The following MUC5B variants were observed in gnomAD, a reference collection of about 807,000 sequenced individuals.
MUC5B encodes the protein mucin 5B, oligomeric mucus/gel-forming, also known as mucin-5B.
In MUC5B, 116 loss-of-function variants were observed where a neutral mutation model predicts 376.9. The ratio of observed to expected loss-of-function variants is 0.31; its 90% CI spans 0.26 to 0.36. The LOEUF is 0.36. Among genes scored for constraint, MUC5B ranks in the 10% least tolerant of loss-of-function variants. The pLI, the probability that MUC5B is intolerant of heterozygous loss-of-function variation, is 1.00. For missense variants in MUC5B, 7,165 were observed against 7,769.9 expected, an observed-to-expected ratio of 0.92 and a Z score of 2.93; for synonymous variants, 3,517 against 3,390.9, an observed-to-expected ratio of 1.04 and a Z score of -1.29.
Position 1,252,432 on chromosome 11 carries a change from G to A in MUC5B, c.14953G>A (p.Ala4985Thr), listed in dbSNP as rs372995452. The change falls in exon 32 of 49, where the codon GCC (alanine) becomes ACC (threonine). Residue 4985 changes from alanine (A) to threonine (T), a missense_variant. This residue lies in a region of MUC5B where 730 missense variants were observed against 592.7 expected (regional missense o/e 1.23). Coordinates refer to ENST00000529681, the MANE Select transcript of MUC5B (RefSeq NM_002458.3). The part of the protein sequence containing the change: ...QHCDIDRFQG[A>T]CPTSPPPVSS... ...CTGTGACATTGACCGCTTCCAGGGCGCCTGTCCCACCTCCCCACCGCCAGT... is the reference window on the plus strand; with the variant it reads ...CTGTGACATTGACCGCTTCCAGGGCACCTGTCCCACCTCCCCACCGCCAGT... The A allele has an allele frequency of 9.2e-5, 149 of 1,610,848 alleles. 1 individual carries two copies. The East Asian group carries it at 2.3e-3, about 24-fold the overall frequency.
chr11:1,261,640 C>T lies in MUC5B; in HGVS notation c.*32C>T. The T allele has an allele frequency of 6.4e-7, 1 of 1,555,488 alleles. No homozygotes were observed. The stretch of plus-strand genomic sequence containing the variant: ...TCTGCCTCCATCCCCATGCTCTGTC[C>T]ACCTGGAGCCAGGATGTGCATTGTC... On this transcript the variant is annotated 3_prime_UTR_variant, in exon 49 of 49. Transcript: ENST00000529681.
intron 17 of MUC5B, 52 bp downstream of exon 17, chr11:1,232,822 G>A: frequency 6.5e-7 from 1 of 1,528,436 alleles, no homozygotes; most frequent in Non-Finnish European, 8.8e-7. Flanking sequence ...GGGGGTGCGG[G>A]GGACCCTGGC....
In MUC5B at chr11:1,250,109, C is replaced by A. The variant is rs754455470; in HGVS notation, c.13229C>A (p.Thr4410Asn). 19 of 1,594,474 alleles carry A rather than the reference C, an allele frequency of 1.2e-5. No individual in the cohort carries two copies. Among genetic ancestry groups the A allele is most frequent in the Non-Finnish European group, 1.5e-5 (18 of 1,169,050 alleles). The change falls in exon 31 of 49, where the codon ACC becomes AAC. Residue 4410 changes from threonine (T) to asparagine (N), a missense_variant. Transcript: ENST00000529681. The part of the protein sequence containing the change: ...TTTAATGPTA[T>N]PSSTPGTTWI... ...ACTGCAGCCACTGGCCCCACGGCCA[C>A]CCCGTCCTCCACCCCAGGGACCACC...
At chr11:1,226,140 CG>C in intron 2 of MUC5B, 64 bp from the exon 3 acceptor site, 3 of 1,473,010 alleles carry the variant, frequency 2.0e-6, no homozygotes, top group Non-Finnish European at 9.2e-7. Context: ...GGGTGGGCCC[CG>C]GGGAGGGTGT....
At position 1,240,867 on chromosome 11, in the gene MUC5B, C is replaced by A; in HGVS notation, c.3987C>A (p.Val1329=). 1 of 1,610,302 alleles carries A rather than the reference C, an allele frequency of 6.2e-7. No individual in the cohort carries two copies. Among genetic ancestry groups the A allele is most frequent in the South Asian group, 1.1e-5 (1 of 90,864 alleles). The change falls in exon 31 of 49, where the codon GTC becomes GTA. Residue 1329 remains valine, a synonymous_variant. Transcript: ENST00000529681. ...PHSTTSPALP[V]STVCVREVCR... ...CCCTTGCAGGCCCGGCCCTCCCGGTCTCCACCGTGTGTGTCCGCGAGGTCT... is the reference window on the plus strand; with the variant it reads ...CCCTTGCAGGCCCGGCCCTCCCGGTATCCACCGTGTGTGTCCGCGAGGTCT...
At chr11:1,239,306 C>T in intron 26 of MUC5B, 132 bp from the exon 27 acceptor site, 1 of 1,238,296 alleles carries the variant, frequency 8.1e-7, no homozygotes, top group Non-Finnish European at 1.1e-6. Flanking sequence ...CCGGCCGAGG[C>T]CCTGCATGTC....
At chr11:1,233,996 G>A (rs1280497235) in intron 19 of MUC5B, 148 bp downstream of exon 19, 2 of 903,728 alleles carry the variant, frequency 2.2e-6, no homozygotes, top group East Asian at 2.6e-5. Context: ...AGGCACCCAT[G>A]CCCTGACACG....
chr11:1,231,837 G>A (rs1018161081), intron 14 of MUC5B, among the ~76,000 whole-genome samples, 159 bp from the exon 15 acceptor site: 7 of 152,206 alleles, frequency 4.6e-5, no homozygotes, highest in South Asian at 4.1e-4. Context: ...GCACAGGGGC[G>A]CCCCCCGCCA....
In MUC5B at chr11:1,261,507, A is replaced by G. The variant is rs1862993955; in HGVS notation, c.17188A>G (p.Thr5730Ala). Reference sequence around the variant, plus strand: ...CGGCTCAGCCATCCTGCACACCTACACCCACGTGGATGAGTGTGGCTGCAC... The same window carrying G: ...CGGCTCAGCCATCCTGCACACCTACGCCCACGTGGATGAGTGTGGCTGCAC... ...PNGSAILHTY[T>A]HVDECGCTPF... Residue 5730 changes from threonine to alanine, a missense_variant, in exon 49 of 49, where the codon ACC becomes GCC. By Grantham distance (58) the Thr-to-Ala change is moderately conservative (BLOSUM62 0). Around this residue, in one of 31 missense-constraint regions of MUC5B, gnomAD observed 842 missense variants for 1,016.9 expected, o/e 0.83. Coordinates refer to ENST00000529681, the MANE Select transcript of MUC5B (RefSeq NM_002458.3). 2.5e-6 allele frequency: 4 copies of G among 1,602,888 alleles called. No individual in the cohort carries two copies. Among genetic ancestry groups the G allele is most frequent in the Non-Finnish European group, 8.5e-7 (1 of 1,175,872 alleles).
chr11:1,251,725 G>C lies in MUC5B; in HGVS notation c.14845G>C (p.Gly4949Arg). The change falls in exon 31 of 49, where the codon GGA becomes CGA. Residue 4949 changes from glycine (G) to arginine (R), a missense_variant. Physicochemically the swap from Gly to Arg is moderately radical, Grantham distance 125 (BLOSUM62 -2). Transcript: ENST00000529681. ...TACTCCCTGCTTCTGCAGGGCATTT[G>C]GACAGTTTTTCTCGCCCGGTGAGTG... The part of the protein sequence containing the change: ...FSTPCFCRAF[G>R]QFFSPGEVIY... 4 of 1,604,462 alleles carry C rather than the reference G, an allele frequency of 2.5e-6. No individual in the cohort carries two copies. Among genetic ancestry groups the C allele is most frequent in the Non-Finnish European group, 3.4e-6 (4 of 1,173,804 alleles).
chr11:1,239,705 C>T lies in MUC5B; in HGVS notation c.3584-94C>T, dbSNP rs1862235068. On this transcript the variant is annotated intron_variant, in intron 27 of 48. Transcript: ENST00000529681. ...AGCCTTGAGGGCAGGCCCCTGCTGG[C>T]TGGTGGGGGGCGGCTACTCCCTGCA... The T allele has an allele frequency of 2.0e-6, 3 of 1,494,402 alleles. No individual in the cohort carries two copies. In the South Asian group the frequency reaches 4.0e-5, roughly 20 times the overall value. The allele number at this position is 1,494,402 out of a possible 1,614,324, so 92.6% of individuals were successfully genotyped here. A position where few individuals can be genotyped will look rare whatever the true frequency, so the allele number is the denominator to read the frequency against.
rs777942958 is a variant in MUC5B, at chr11:1,242,471, G to T, written c.5591G>T (p.Gly1864Val). The T allele has an allele frequency of 1.9e-6, 3 of 1,613,738 alleles. No homozygotes were observed. The highest frequency in any genetic ancestry group is 2.5e-6 in the Non-Finnish European group (3 of 1,179,802). Reference sequence around the variant, plus strand: ...ACCTGCAAGAACGAAGACCAGACAGGCAGGTTCAACATGTGCTTCAACTAC... The same window carrying T: ...ACCTGCAAGAACGAAGACCAGACAGTCAGGTTCAACATGTGCTTCAACTAC... ...GLTCKNEDQTGRFNMCFNYNV... is the reference protein window; with the variant it reads ...GLTCKNEDQTVRFNMCFNYNV... The change falls in exon 31 of 49, where the codon GGC becomes GTC. Residue 1864 changes from glycine (G) to valine (V), a missense_variant. Coordinates refer to ENST00000529681, the MANE Select transcript of MUC5B (RefSeq NM_002458.3).
chr11:1,239,373 C>T (rs1862227091), intron 26 of MUC5B, 65 bp from the exon 27 acceptor site: 2 of 1,544,030 alleles, frequency 1.3e-6, no homozygotes, highest in South Asian at 2.5e-5. Flanking sequence ...GGGGTAGGGG[C>T]TGCCCTGCAC....
chr11:1,248,013 C>A lies in MUC5B; in HGVS notation c.11133C>A (p.Thr3711=), dbSNP rs1862545583. The change falls in exon 31 of 49, where the codon ACC becomes ACA. Residue 3711 remains threonine, a synonymous_variant. Coordinates refer to ENST00000529681, the MANE Select transcript of MUC5B (RefSeq NM_002458.3). ...CTGAGTCCACTGGATCCACGGCCAC[C>A]CCGTCCTCCACCCCAGGGACCACCT... is the stretch of plus-strand genomic sequence containing the variant. ...TTTESTGSTA[T]PSSTPGTTWI... is the part of the protein sequence containing the mutation. The A allele has an allele frequency of 1.2e-6, 2 of 1,609,460 alleles. No homozygotes were observed. The highest frequency in any genetic ancestry group is 1.7e-6 in the Non-Finnish European group (2 of 1,177,482).
chr11:1,227,432 A>C (rs1861914077), intron 6 of MUC5B, 34 bp downstream of exon 6: 4 of 1,511,318 alleles, frequency 2.6e-6, no homozygotes, highest in Non-Finnish European at 2.7e-6. Context: ...GCGGTGACCA[A>C]TTATGTCGGC....
At position 1,248,799 on chromosome 11, in the gene MUC5B, C is replaced by T. The variant is rs1341963507; in HGVS notation, c.11919C>T (p.Pro3973=). The T allele has an allele frequency of 5.2e-6, 8 of 1,549,130 alleles. No homozygotes were observed. In the East Asian group the frequency reaches 2.0e-4, roughly 38 times the overall value. ...PSSTPGTTPI[P]PVLTTTATTP... The stretch of plus-strand genomic sequence containing the variant: ...CAACTCCAGGGACAACACCTATCCC[C>T]CCAGTGCTGACCACCACCGCCACCA... The change falls in exon 31 of 49, where the codon CCC becomes CCT. Residue 3973 remains proline (P), a synonymous_variant. Coordinates refer to ENST00000529681, the MANE Select transcript of MUC5B (RefSeq NM_002458.3).
chr11:1,246,588 C>A lies in MUC5B; in HGVS notation c.9708C>A (p.Ser3236Arg). The A allele has an allele frequency of 6.2e-7, 1 of 1,613,464 alleles. No individual in the cohort carries two copies. The highest frequency in any genetic ancestry group is 1.1e-5 in the South Asian group (1 of 91,050). ...CAGCCACCACACCCACAGCTACCAG[C>A]GTTACAGCCATCCCCTCTTCCTCCC... ...RSTATTPTAT[S>R]VTAIPSSSLG... Residue 3236 changes from serine (S) to arginine (R), a missense_variant, in exon 31 of 49, where the codon AGC becomes AGA. Around this residue, in one of 31 missense-constraint regions of MUC5B, gnomAD observed 939 missense variants for 770.6 expected, o/e 1.22. Coordinates refer to ENST00000529681, the MANE Select transcript of MUC5B (RefSeq NM_002458.3).
rs373063169 is a variant in MUC5B, at chr11:1,224,214, G to A, written c.70+1021G>A. ...GCCCACCCGTCCTCCTGTCCTCCAC[G>A]CACGTCCAAGTTGGGGAGATCAAGC... On this transcript the variant is annotated intron_variant, in intron 1 of 48. Transcript: ENST00000529681. Among the ~76,000 whole-genome samples the A allele has an allele frequency of 7.9e-5, 12 of 152,332 alleles. No homozygotes were observed. In the East Asian group the frequency reaches 9.7e-4, roughly 12 times the overall value.
chr11:1,256,007 C>G, intron 37 of MUC5B, 149 bp from the exon 38 acceptor site: 1 of 389,412 alleles, frequency 2.6e-6, no homozygotes, highest in Non-Finnish European at 4.5e-6. Context: ...CCAGACCCCT[C>G]GGCCTCTCTG....
Sources: allele counts gnomAD v4.1 joint callset (sites outside exome capture counted in the v4.1 genomes callset), GRCh38; gene constraint gnomAD v4.1.1; regional missense constraint gnomAD v4.1.1; transcripts MANE v1.5; gene names NCBI Gene and HGNC (gene_info 2026-07-23, HGNC 2026-07-21).